Variants in STAU1 observed in about 807,000 individuals in gnomAD.
STAU1 encodes double-stranded RNA-binding protein Staufen homolog 1.
A neutral mutation model predicts 62.9 loss-of-function variants in STAU1; 13 were observed. The ratio of observed to expected loss-of-function variants is 0.21; its 90% CI spans 0.13 to 0.33. The LOEUF (loss-of-function observed/expected upper bound fraction) is 0.33, where lower values mean the gene tolerates loss of function less well. STAU1 is among the 10% of genes least tolerant of loss of function. The pLI is 1.00. For synonymous variants in STAU1, 269 were observed against 265.1 expected (o/e 1.01, Z -0.14); for missense variants, 571 against 712.1 (o/e 0.80, Z 2.25).
intron 3 of STAU1, among the ~76,000 whole-genome samples, chr20:49,160,706 T>C (rs182485560): frequency 7.5e-4 from 115 of 152,330 alleles, no homozygotes; most frequent in Non-Finnish European, 1.4e-3. Flanking sequence ...ATGACAAGGA[T>C]AACTGAAACC....
the STAU1 span, among the ~76,000 whole-genome samples, chr20:49,197,422 G>A: frequency 5.7e-5 from 8 of 139,330 alleles, no homozygotes; most frequent in South Asian, 2.2e-4. Context: ...TTTTTTTTGC[G>A]ATGGAGTCTT....
intron 1 of STAU1, among the ~76,000 whole-genome samples, chr20:49,182,394 G>A (rs1381746339): frequency 6.6e-6 from 1 of 152,244 alleles, no homozygotes; most frequent in East Asian, 1.9e-4. Flanking sequence ...CAACAAGACA[G>A]ATATCCAAGC....
In STAU1 at chr20:49,114,735, G is replaced by T; in HGVS notation, c.*143C>A. 1.3e-6 allele frequency: 1 copy of T among 790,762 alleles called. No individual in the cohort carries two copies. Among genetic ancestry groups the T allele is most frequent in the Non-Finnish European group, 2.1e-6 (1 of 474,464 alleles). 49.0% of individuals were successfully genotyped at this position (790,762 alleles called of 1,614,324 possible). On this transcript the variant is annotated 3_prime_UTR_variant, in exon 14 of 14. Coordinates refer to ENST00000371856, the MANE Select transcript of STAU1 (RefSeq NM_017453.4). Reference sequence around the variant, plus strand: ...ACAGCCGCCTCCTTGTGTTTCTGTTGTCTTCCCTGCTGCTGCCCACATCCT... The same window carrying T: ...ACAGCCGCCTCCTTGTGTTTCTGTTTTCTTCCCTGCTGCTGCCCACATCCT...
chr20:49,195,903 A>AAAAAAAAAAGAAAAAAG, the STAU1 span, among the ~76,000 whole-genome samples: 1 of 94,396 alleles, frequency 1.1e-5, no homozygotes, highest in East Asian at 5.8e-4. Flanking sequence ...CCTCTCAAAA[A>AAAAAAAAAAGAAAAAAG]AAAAAAAAAA....
chr20:49,153,534 C>T (rs1171155384), intron 4 of STAU1, among the ~76,000 whole-genome samples: 2 of 147,010 alleles, frequency 1.4e-5, no homozygotes, highest in East Asian at 2.0e-4. Context: ...GGCAAAACCC[C>T]GTCTCTACTA....
At chr20:49,165,602 C>T (rs996155386) in intron 3 of STAU1, among the ~76,000 whole-genome samples, 7 of 152,194 alleles carry the variant, frequency 4.6e-5, no homozygotes, top group African/African-American at 1.4e-4. Context: ...TCCCAAAGTG[C>T]TGGGATTACA....
chr20:49,160,949 C>A (rs979739754), intron 3 of STAU1, among the ~76,000 whole-genome samples: 1 of 152,114 alleles, frequency 6.6e-6, no homozygotes, highest in Non-Finnish European at 1.5e-5. Context: ...GGAAAACTTA[C>A]GGGCAATCAA....
At position 49,117,478 on chromosome 20, in the gene STAU1, G is replaced by A. The variant is rs1191325507; in HGVS notation, c.1510-230C>T. Among the ~76,000 whole-genome samples the A allele has an allele frequency of 6.6e-6, 1 of 152,222 alleles. No individual in the cohort carries two copies. Among genetic ancestry groups the A allele is most frequent in the African/African-American group, 2.4e-5 (1 of 41,450 alleles). The stretch of plus-strand genomic sequence containing the variant: ...CATATCCTTTCCTACCAGACAGAAA[G>A]TGTCAGCACGATGAGTCTGTTCTTT... On this transcript the variant is annotated intron_variant, in intron 11 of 13. Coordinates refer to ENST00000371856, the MANE Select transcript of STAU1 (RefSeq NM_017453.4). The surrounding 1 kb of genome is among the most constrained non-coding windows in gnomAD (Gnocchi z 4.6).
intron 5 of STAU1, among the ~76,000 whole-genome samples, chr20:49,149,826 G>A (rs966789206): frequency 4.6e-4 from 70 of 152,182 alleles, no homozygotes; most frequent in African/African-American, 1.6e-3. Context: ...CAGCCATGAA[G>A]CCCAAGTTGG....
chr20:49,136,426 A>G (rs1446958444), intron 5 of STAU1, among the ~76,000 whole-genome samples: 1 of 152,222 alleles, frequency 6.6e-6, no homozygotes, highest in Non-Finnish European at 1.5e-5. Flanking sequence ...TTAAAAAGAT[A>G]CATGTCCTGT....
At chr20:49,192,464 G>A (rs548829352), upstream of STAU1, among the ~76,000 whole-genome samples, 2 of 152,126 alleles carry the variant, frequency 1.3e-5, no homozygotes, top group African/African-American at 4.8e-5. Flanking sequence ...TGCACAATCT[G>A]TGTGAAGAAA....
chr20:49,159,618 TG>T (rs1231624056), intron 3 of STAU1, among the ~76,000 whole-genome samples: 3 of 152,230 alleles, frequency 2.0e-5, no homozygotes, highest in Non-Finnish European at 4.4e-5. Flanking sequence ...TGGAATGCAG[TG>T]GTGCCATCTC....
chr20:49,175,951 C>T (rs905540228), intron 1 of STAU1, among the ~76,000 whole-genome samples: 5 of 151,998 alleles, frequency 3.3e-5, no homozygotes, highest in African/African-American at 1.2e-4. Flanking sequence ...CCCGCCACCT[C>T]GCCCGGCTAA....
intron 1 of STAU1, among the ~76,000 whole-genome samples, chr20:49,177,870 G>A (rs1600870246): frequency 6.6e-6 from 1 of 152,058 alleles, no homozygotes; most frequent in Non-Finnish European, 1.5e-5. Context: ...CACAGTGATA[G>A]CTGAGATTCA....
Position 49,124,560 on chromosome 20 carries a change from T to A in STAU1, c.637A>T (p.Met213Leu), listed in dbSNP as rs1167868024. Reference protein sequence around the residue: ...EVARESGPPHMKNFVTKVSVG... With the variant: ...EVARESGPPHLKNFVTKVSVG... ...GAAACCTTGGTCACAAAGTTCTTCATGTGGGGTGGGCCACTCTCCCGGGCC... is the reference window on the plus strand; with the variant it reads ...GAAACCTTGGTCACAAAGTTCTTCAAGTGGGGTGGGCCACTCTCCCGGGCC... The change falls in exon 7 of 14, where the codon ATG becomes TTG. Residue 213 changes from methionine (M) to leucine (L), a missense_variant. Met to Leu is a conservative substitution (Grantham distance 15). Around this residue, in one of 3 missense-constraint regions of STAU1, gnomAD observed 414 missense variants for 499.6 expected, o/e 0.83. Coordinates refer to ENST00000371856, the MANE Select transcript of STAU1 (RefSeq NM_017453.4). 2 of 1,613,904 alleles carry A rather than the reference T, an allele frequency of 1.2e-6. No homozygotes were observed. Among genetic ancestry groups the A allele is most frequent in the East Asian group, 4.5e-5 (2 of 44,878 alleles).
Position 49,120,067 on chromosome 20 carries a change from T to C in STAU1, c.1028A>G (p.Asn343Ser), listed in dbSNP as rs138430183. The change falls in exon 9 of 14, where the codon AAT becomes AGT. Residue 343 changes from asparagine (N) to serine (S), a missense_variant. This residue lies in a region of STAU1 where 414 missense variants were observed against 499.6 expected (regional missense o/e 0.83). Coordinates refer to ENST00000371856, the MANE Select transcript of STAU1 (RefSeq NM_017453.4). ...TGTNKKVAKR[N>S]AAENMLEILG... ...GATCTCCAGCATGTTCTCGGCTGCA[T>C]TGCGCTTGGCCACCTTCTTGTTGGT... 4.5e-5 allele frequency: 73 copies of C among 1,614,108 alleles called. No individual in the cohort carries two copies. Among genetic ancestry groups the C allele is most frequent in the African/African-American group, 9.3e-5 (7 of 74,946 alleles).
intron 6 of STAU1, among the ~76,000 whole-genome samples, chr20:49,125,212 A>AAAAAAAAAC (rs2092574984): frequency 2.0e-5 from 3 of 146,530 alleles, no homozygotes; most frequent in African/African-American, 7.4e-5. Flanking sequence ...AAAAAAAAAA[A>AAAAAAAAAC]AAAAAAAAAA....
chr20:49,176,528 A>C (rs2093662345), intron 1 of STAU1, among the ~76,000 whole-genome samples: 1 of 152,214 alleles, frequency 6.6e-6, no homozygotes, highest in Non-Finnish European at 1.5e-5. Context: ...TCTCACTGCT[A>C]CTATGGCTTA....
chr20:49,185,678 G>A (rs1034148986), intron 1 of STAU1, among the ~76,000 whole-genome samples: 1 of 152,100 alleles, frequency 6.6e-6, no homozygotes, highest in African/African-American at 2.4e-5. Flanking sequence ...TTGGCTATGA[G>A]TTAATAATTG....
Sources: allele counts gnomAD v4.1 joint callset (sites outside exome capture counted in the v4.1 genomes callset), GRCh38; gene constraint gnomAD v4.1.1; regional missense constraint gnomAD v4.1.1; non-coding constraint Gnocchi (gnomAD v3.1); transcripts MANE v1.5; gene names NCBI Gene and HGNC (gene_info 2026-07-23, HGNC 2026-07-21).